FRMPD4: variants seen among roughly 807,000 people sequenced by gnomAD.
The protein encoded by FRMPD4 is FERM and PDZ domain containing 4.
A neutral mutation model predicts 94.1 loss-of-function variants in FRMPD4; 22 were observed. The ratio of observed to expected loss-of-function variants is 0.23; its 90% CI spans 0.17 to 0.33. The LOEUF (loss-of-function observed/expected upper bound fraction) is 0.33. Ranked by LOEUF, FRMPD4 falls within the 10% of genes least tolerant of loss-of-function variation. The pLI is 1.00. For missense variants in FRMPD4, 1,111 were observed against 1,339.9 expected (o/e 0.83, Z 2.67); for synonymous variants, 631 against 548.6 (o/e 1.15, Z -2.10).
chrX:12,681,491 C>CTGTT (rs1020545809), intron 5 of FRMPD4, among the ~76,000 whole-genome samples: 123 of 111,565 alleles, frequency 1.1e-3, no homozygotes, highest in African/African-American at 3.4e-3. Context: ...TTGCTGTTGT[C>CTGTT]TGTTTGTTTG....
At chrX:12,263,037 C>T (rs1310261720) in intron 1 of FRMPD4, among the ~76,000 whole-genome samples, 1 of 111,519 alleles carries the variant, frequency 9.0e-6, no homozygotes, top group East Asian at 2.8e-4. Context: ...GTTATTTCTA[C>T]AAGAGGGAGT....
intron 3 of FRMPD4, among the ~76,000 whole-genome samples, chrX:12,063,397 A>C (rs768392457): frequency 1.1e-4 from 12 of 111,934 alleles, no homozygotes; most frequent in South Asian, 3.7e-4. Flanking sequence ...AACAAACAAA[A>C]AAATGTTTTT....
At chrX:12,424,637 C>T (rs1404410993) in intron 1 of FRMPD4, among the ~76,000 whole-genome samples, 5 of 112,227 alleles carry the variant, frequency 4.5e-5, no homozygotes, top group African/African-American at 1.3e-4. Context: ...TTCTGATTAG[C>T]GAGGTTCAAG....
Position 12,179,244 on chromosome X carries a change from G to C in FRMPD4, c.41+40232G>C, listed in dbSNP as rs768809319. The stretch of plus-strand genomic sequence containing the variant: ...AAGTGGCTTAGTCTCTTAAGACCTA[G>C]CTTTGGAAGGTATATAATGTCATTC... On this transcript the variant is annotated intron_variant, in intron 1 of 16. Coordinates refer to ENST00000675598, the MANE Select transcript of FRMPD4 (RefSeq NM_001368397.1). 3.6e-5 allele frequency among the ~76,000 whole-genome samples: 4 copies of C among 111,247 alleles called. No individual in the cohort carries two copies. The South Asian group carries it at 1.6e-3, about 44-fold the overall frequency.
intron 1 of FRMPD4, among the ~76,000 whole-genome samples, chrX:12,438,370 T>C (rs766992299): frequency 2.8e-5 from 3 of 108,685 alleles, no homozygotes; most frequent in African/African-American, 1.0e-4. Context: ...TTAAATATGC[T>C]AGTCCATTAA....
At position 12,022,515 on chromosome X, in the gene FRMPD4, C is replaced by A. The variant is rs192872816; in HGVS notation, c.95+144497C>A. On this transcript the variant is annotated intron_variant, in intron 3 of 18. Transcript: ENST00000640291. ...ACTCCTAGGTCATTCCATGTTAAAT[C>A]AGCATGAAGCTGGGCTGGGACATGA... 8.0e-5 allele frequency among the ~76,000 whole-genome samples: 9 copies of A among 112,143 alleles called. No individual in the cohort carries two copies. The East Asian group carries it at 2.5e-3, about 31-fold the overall frequency.
chrX:12,314,103 T>C (rs1350974575), intron 1 of FRMPD4, among the ~76,000 whole-genome samples: 1 of 112,622 alleles, frequency 8.9e-6, no homozygotes, highest in East Asian at 2.8e-4. Context: ...GCTTATATAG[T>C]TCTCATTATC....
chrX:12,165,718 T>C (rs1234344589), intron 1 of FRMPD4, among the ~76,000 whole-genome samples: 2 of 111,400 alleles, frequency 1.8e-5, no homozygotes, highest in Non-Finnish European at 3.8e-5. Flanking sequence ...TATCCTCTTT[T>C]ATTTCCTTGA....
intron 1 of FRMPD4, among the ~76,000 whole-genome samples, chrX:12,446,090 ACT>A (rs1262273870): frequency 9.0e-6 from 1 of 111,167 alleles, no homozygotes; most frequent in Non-Finnish European, 1.9e-5. Context: ...GAAATTGTAA[ACT>A]CTTATTCTCA....
intron 3 of FRMPD4, among the ~76,000 whole-genome samples, chrX:11,902,153 T>C (rs2053941919): frequency 8.9e-6 from 1 of 112,945 alleles, no homozygotes; most frequent in Non-Finnish European, 1.9e-5. Context: ...CTTTAATGCT[T>C]CTTTTTTGCT....
At chrX:12,249,769 A>C (rs1285215673) in intron 1 of FRMPD4, among the ~76,000 whole-genome samples, 1 of 111,383 alleles carries the variant, frequency 9.0e-6, no homozygotes, top group Non-Finnish European at 1.9e-5. Flanking sequence ...CTCAAAAATG[A>C]TTCTAAATTG....
In FRMPD4 at chrX:12,609,970, G is replaced by T. The variant is rs1011289828; in HGVS notation, c.319+89G>T. ...ACTGTTCAGTTTCATAAGTGTCCAG[G>T]CTGTGAAAGCTGGATATGTTTTTCC... On this transcript the variant is annotated intron_variant, in intron 3 of 16. Coordinates refer to ENST00000675598, the MANE Select transcript of FRMPD4 (RefSeq NM_001368397.1). 5.9e-6 allele frequency: 5 copies of T among 847,253 alleles called. No individual in the cohort carries two copies. The Admixed American group carries it at 8.2e-5, about 14-fold the overall frequency. The allele number at this position is 847,253 out of a possible 1,213,427, so 69.8% of individuals were successfully genotyped here. A position where few individuals can be genotyped will look rare whatever the true frequency, so the allele number is the denominator to read the frequency against.
intron 1 of FRMPD4, among the ~76,000 whole-genome samples, chrX:12,253,538 C>T (rs2054071972): frequency 8.9e-6 from 1 of 111,828 alleles, no homozygotes; most frequent in African/African-American, 3.3e-5. Flanking sequence ...TTACCCTCTA[C>T]TCAAAGTAAT....
chrX:12,091,276 C>T (rs1183561430), intron 3 of FRMPD4, among the ~76,000 whole-genome samples: 2 of 111,593 alleles, frequency 1.8e-5, no homozygotes, highest in Non-Finnish European at 3.8e-5. Context: ...AGCAGTCTGC[C>T]TCCAGATTCT....
intron 2 of FRMPD4, among the ~76,000 whole-genome samples, chrX:11,874,537 G>T (rs1228167992): frequency 4.4e-5 from 5 of 112,414 alleles, no homozygotes; most frequent in African/African-American, 1.3e-4. Context: ...AATGTGCATA[G>T]GTTGTATGCA....
intron 3 of FRMPD4, among the ~76,000 whole-genome samples, chrX:12,057,807 T>A (rs2054863175): frequency 8.9e-6 from 1 of 111,930 alleles, no homozygotes; most frequent in African/African-American, 3.2e-5. Context: ...AGCAACATTA[T>A]GAATATCCAT....
intron 1 of FRMPD4, among the ~76,000 whole-genome samples, chrX:12,199,091 A>ATGATTT (rs1331002685): frequency 9.0e-6 from 1 of 111,651 alleles, no homozygotes; most frequent in Non-Finnish European, 1.9e-5. Flanking sequence ...AGCTTGCTGG[A>ATGATTT]TGATTTTTCC....
At chrX:12,074,085 T>C (rs985412426) in intron 3 of FRMPD4, among the ~76,000 whole-genome samples, 1 of 112,437 alleles carries the variant, frequency 8.9e-6, no homozygotes, top group Non-Finnish European at 1.9e-5. Flanking sequence ...ACTAATCTTT[T>C]TACAAATACA....
At position 12,723,505 on chromosome X, in the gene FRMPD4, A is replaced by G. The variant is rs1451019622; in HGVS notation, c.*1647A>G. On this transcript the variant is annotated 3_prime_UTR_variant, in exon 17 of 17. Transcript: ENST00000675598. ...AAGGAGTTTAGGTGTGTGTTATTATAAATAATGTTTAACTAAATAATAAAA... is the reference window on the plus strand; with the variant it reads ...AAGGAGTTTAGGTGTGTGTTATTATGAATAATGTTTAACTAAATAATAAAA... 8.9e-6 allele frequency: 1 copy of G among 112,199 alleles called. No individual in the cohort carries two copies. The highest frequency in any genetic ancestry group is 3.2e-5 in the African/African-American group (1 of 30,837). 9.2% of individuals were successfully genotyped at this position (112,199 alleles called of 1,213,427 possible).
Sources: allele counts gnomAD v4.1 joint callset (sites outside exome capture counted in the v4.1 genomes callset), GRCh38; gene constraint gnomAD v4.1.1; transcripts MANE v1.5; gene names NCBI Gene and HGNC (gene_info 2026-07-23, HGNC 2026-07-21).